RTN1: variants seen among roughly 807,000 people sequenced by gnomAD.
RTN1 encodes reticulon-1.
RTN1 carries 25 observed loss-of-function variants against 65.5 expected under a neutral mutation model. The observed-to-expected ratio is 0.38, with a 90% CI of 0.28 to 0.53. The LOEUF is 0.53. RTN1 is among the 20% of genes least tolerant of loss of function. The probability of loss-of-function intolerance (pLI) is 0.79; values close to 1 mark genes in which losing one functional copy is unlikely to be tolerated. For synonymous variants in RTN1, 471 were observed against 447.6 expected (o/e 1.05, Z -0.66); for missense variants, 983 against 1,025.4 (o/e 0.96, Z 0.57).
At chr14:59,700,439 C>T (rs1884153903) in intron 3 of RTN1, among the ~76,000 whole-genome samples, 1 of 152,052 alleles carries the variant, frequency 6.6e-6, no homozygotes, top group Admixed American at 6.6e-5. Context: ...GAAAGAAGAA[C>T]AAAATTGGAG....
chr14:59,605,447 C>T lies in RTN1; in HGVS notation c.2033G>A (p.Cys678Tyr), dbSNP rs777785849. ...TGTGCTGTTCACGTAGAACTGCAGG[C>T]AGTCCGTGTACTTCTGAATCTGCTC... Reference protein sequence around the residue: ...SQEQIQKYTDCLQFYVNSTLK... With the variant: ...SQEQIQKYTDYLQFYVNSTLK... Residue 678 changes from cysteine (C) to tyrosine (Y), a missense_variant, in exon 5 of 9, where the codon TGC (cysteine) becomes TAC (tyrosine). By Grantham distance (194) the Cys-to-Tyr change is radical (BLOSUM62 -2). Coordinates refer to ENST00000267484, the MANE Select transcript of RTN1 (RefSeq NM_021136.3). 1 of 1,614,022 alleles carries T rather than the reference C, an allele frequency of 6.2e-7. No homozygotes were observed. Among genetic ancestry groups the T allele is most frequent in the South Asian group, 1.1e-5 (1 of 91,078 alleles).
intron 1 of RTN1, among the ~76,000 whole-genome samples, chr14:59,832,048 G>A (rs1887133694): frequency 1.3e-5 from 2 of 152,054 alleles, no homozygotes; most frequent in African/African-American, 4.8e-5. Context: ...GGGTTACAAG[G>A]ATCTTAAAAG....
chr14:59,851,059 A>C (rs1594767010), intron 1 of RTN1, among the ~76,000 whole-genome samples: 1 of 152,254 alleles, frequency 6.6e-6, no homozygotes, highest in East Asian at 1.9e-4. Context: ...AAAACAAAAA[A>C]ACTCCAGGCT....
chr14:59,800,372 A>G (rs1312513799), intron 1 of RTN1, among the ~76,000 whole-genome samples: 1 of 152,196 alleles, frequency 6.6e-6, no homozygotes, highest in Non-Finnish European at 1.5e-5. Context: ...ACTAAAAGGA[A>G]ACACAAAAAT....
chr14:59,862,692 A>T (rs1014186922), intron 1 of RTN1, among the ~76,000 whole-genome samples: 1 of 152,114 alleles, frequency 6.6e-6, no homozygotes, highest in African/African-American at 2.4e-5. Flanking sequence ...AACAAAAATC[A>T]ATCCAACTAA....
At chr14:59,611,871 G>C (rs1262947986) in intron 3 of RTN1, among the ~76,000 whole-genome samples, 1 of 152,148 alleles carries the variant, frequency 6.6e-6, no homozygotes, top group Non-Finnish European at 1.5e-5. Flanking sequence ...AGGGATCTCA[G>C]AGACGGTTGC....
chr14:59,686,040 T>A (rs1027623693), intron 3 of RTN1, among the ~76,000 whole-genome samples: 35 of 152,182 alleles, frequency 2.3e-4, no homozygotes, highest in African/African-American at 8.4e-4. Flanking sequence ...AACCAATTTT[T>A]GACAAAGGTG....
chr14:59,854,603 T>C lies in RTN1; in HGVS notation c.241+15787A>G, dbSNP rs971950405. On this transcript the variant is annotated intron_variant, in intron 1 of 8. Transcript: ENST00000267484. ...CTGCAGTGAGCCGAGATCATGCCAC[T>C]GCACTCCAGCCTGGAGACAGAGCAA... 7.1e-5 allele frequency among the ~76,000 whole-genome samples: 9 copies of C among 127,236 alleles called. No individual in the cohort carries two copies. In the South Asian group the frequency reaches 7.4e-4, roughly 10 times the overall value. The allele number at this position is 127,236 out of a possible 152,430, so 83.5% of individuals were successfully genotyped here. A position where few individuals can be genotyped will look rare whatever the true frequency, so the allele number is the denominator to read the frequency against.
At chr14:59,858,502 T>G (rs1887649925) in intron 1 of RTN1, among the ~76,000 whole-genome samples, 1 of 152,030 alleles carries the variant, frequency 6.6e-6, no homozygotes, top group African/African-American at 2.4e-5. Context: ...GCCAAAGATT[T>G]GCTATGCATA....
rs1244235858 is a variant in RTN1 at position 59,803,502 on chromosome 14, T to C, written c.242-57021A>G. 6.6e-6 allele frequency among the ~76,000 whole-genome samples: 1 copy of C among 152,200 alleles called. No individual in the cohort carries two copies. Among genetic ancestry groups the C allele is most frequent in the Non-Finnish European group, 1.5e-5 (1 of 68,026 alleles). Reference sequence around the variant, plus strand: ...CTACTCTGGCCTGAATTATTCAAGTTAAATACAACCTTCTTTGCAGGGTCT... The same window carrying C: ...CTACTCTGGCCTGAATTATTCAAGTCAAATACAACCTTCTTTGCAGGGTCT... On this transcript the variant is annotated intron_variant, in intron 1 of 8. Transcript: ENST00000267484. The surrounding 1 kb of genome is among the most constrained non-coding windows in gnomAD (Gnocchi z 5.6).
chr14:59,623,345 G>C (rs536719212), intron 3 of RTN1, among the ~76,000 whole-genome samples: 2 of 152,192 alleles, frequency 1.3e-5, no homozygotes, highest in African/African-American at 2.4e-5. Flanking sequence ...GTAAGCCCTT[G>C]GTCACCATGG....
chr14:59,692,367 G>A (rs1883979906), intron 3 of RTN1, among the ~76,000 whole-genome samples: 1 of 152,128 alleles, frequency 6.6e-6, no homozygotes, highest in African/African-American at 2.4e-5. Flanking sequence ...AAAGGTGAAA[G>A]ATCTCCACAA....
intron 3 of RTN1, among the ~76,000 whole-genome samples, chr14:59,720,597 C>A (rs1017202764): frequency 2.0e-5 from 3 of 152,040 alleles, no homozygotes; most frequent in African/African-American, 7.2e-5. Context: ...GTGGTGCATG[C>A]CTGTAGTCCC....
At chr14:59,611,403 G>C (rs1189666775) in intron 3 of RTN1, among the ~76,000 whole-genome samples, 3 of 152,316 alleles carry the variant, frequency 2.0e-5, no homozygotes, top group Admixed American at 6.5e-5. Context: ...AATAGTCCTG[G>C]GGAGATGTCC....
chr14:59,807,705 T>C (rs60831641), intron 1 of RTN1, among the ~76,000 whole-genome samples: 92 of 152,294 alleles, frequency 6.0e-4, no homozygotes, highest in Middle Eastern at 3.4e-3. Context: ...ACAAGGGATA[T>C]AATATTTTAA....
intron 1 of RTN1, among the ~76,000 whole-genome samples, chr14:59,783,931 G>A (rs1886203911): frequency 2.7e-5 from 4 of 148,520 alleles, no homozygotes; most frequent in Admixed American, 2.7e-4. Context: ...AAAAAAAAAG[G>A]TAACTGGTGG....
chr14:59,621,891 C>T (rs542959870), intron 3 of RTN1, among the ~76,000 whole-genome samples: 71 of 152,178 alleles, frequency 4.7e-4, no homozygotes, highest in African/African-American at 1.5e-3. Context: ...GTGACATAAG[C>T]GGATACTATA....
chr14:59,841,919 G>A (rs976536269), intron 1 of RTN1, among the ~76,000 whole-genome samples: 1 of 152,016 alleles, frequency 6.6e-6, no homozygotes, highest in African/African-American at 2.4e-5. Context: ...CTGAGGTCAG[G>A]AGTTCAAGAC....
intron 3 of RTN1, among the ~76,000 whole-genome samples, chr14:59,712,198 A>T (rs1358111015): frequency 2.0e-5 from 3 of 152,178 alleles, no homozygotes. Flanking sequence ...CTAAGGGAGG[A>T]TTGTGGAGGG....
Sources: allele counts gnomAD v4.1 joint callset (sites outside exome capture counted in the v4.1 genomes callset), GRCh38; gene constraint gnomAD v4.1.1; non-coding constraint Gnocchi (gnomAD v3.1); transcripts MANE v1.5; gene names NCBI Gene and HGNC (gene_info 2026-07-23, HGNC 2026-07-21).